Variants in IMMP2L observed in about 807,000 individuals in gnomAD.
The protein encoded by IMMP2L is mitochondrial inner membrane protease subunit 2.
In IMMP2L, 18 loss-of-function variants were observed where a neutral mutation model predicts 19.3. The ratio of observed to expected loss-of-function variants is 0.93; its 90% CI spans 0.64 to 1.38. IMMP2L has a LOEUF of 1.38. Among genes scored for constraint, IMMP2L ranks in the 40% most tolerant of loss-of-function variants. IMMP2L has a pLI of 0.00. For synonymous variants in IMMP2L, 76 were observed against 73.0 expected (o/e 1.04, Z -0.21); for missense variants, 233 against 218.2 (o/e 1.07, Z -0.43).
chr7:111,501,692 T>C (rs989928853), intron 2 of IMMP2L, among the ~76,000 whole-genome samples: 37 of 152,126 alleles, frequency 2.4e-4, no homozygotes, highest in African/African-American at 6.5e-4. Flanking sequence ...GAAAAGAATT[T>C]TCAACCCAGA....
chr7:111,254,425 A>G (rs1816481617), intron 3 of IMMP2L, among the ~76,000 whole-genome samples: 1 of 152,042 alleles, frequency 6.6e-6, no homozygotes, highest in East Asian at 1.9e-4. Flanking sequence ...TCAATCTCTC[A>G]TCTGTTAAAC....
At chr7:110,981,812 C>G (rs981979944) in intron 3 of IMMP2L, among the ~76,000 whole-genome samples, 1 of 152,170 alleles carries the variant, frequency 6.6e-6, no homozygotes, top group Non-Finnish European at 1.5e-5. Context: ...CTGCTGCCTT[C>G]CTTATTTTTG....
intron 4 of IMMP2L, among the ~76,000 whole-genome samples, chr7:110,926,313 A>T (rs959394141): frequency 6.6e-6 from 1 of 152,098 alleles, no homozygotes; most frequent in African/African-American, 2.4e-5. Flanking sequence ...AAGTGACCAT[A>T]TAACAAGTTG....
At chr7:111,476,801 T>C (rs1393026750) in intron 3 of IMMP2L, among the ~76,000 whole-genome samples, 1 of 152,168 alleles carries the variant, frequency 6.6e-6, no homozygotes, top group African/African-American at 2.4e-5. Flanking sequence ...ATCCTTCTTG[T>C]CCTTTGGATC....
At chr7:111,171,396 G>C (rs1806434440) in intron 3 of IMMP2L, among the ~76,000 whole-genome samples, 1 of 151,512 alleles carries the variant, frequency 6.6e-6, no homozygotes, top group South Asian at 2.1e-4. Context: ...TAATATTTGA[G>C]CCTCCTAGTT....
intron 3 of IMMP2L, among the ~76,000 whole-genome samples, chr7:111,295,178 C>T (rs1373769813): frequency 6.6e-6 from 1 of 151,896 alleles, no homozygotes; most frequent in Non-Finnish European, 1.5e-5. Context: ...TCACCATCTG[C>T]TCATATGTAT....
chr7:111,433,763 A>G (rs1049949903), intron 3 of IMMP2L, among the ~76,000 whole-genome samples: 17 of 151,810 alleles, frequency 1.1e-4, no homozygotes, highest in Non-Finnish European at 1.5e-4. Flanking sequence ...TTTAAGAAGA[A>G]CTACAAAATA....
chr7:111,054,240 G>C (rs1793283655), intron 3 of IMMP2L, among the ~76,000 whole-genome samples: 1 of 152,120 alleles, frequency 6.6e-6, no homozygotes, highest in Non-Finnish European at 1.5e-5. Flanking sequence ...CACTGAGACA[G>C]AAGATTTTTG....
intron 5 of IMMP2L, among the ~76,000 whole-genome samples, chr7:110,823,785 A>G (rs186088690): frequency 4.3e-4 from 66 of 152,288 alleles, no homozygotes; most frequent in African/African-American, 1.3e-3. Flanking sequence ...TGAAGATTTT[A>G]AAGTTGCTCA....
chr7:111,501,825 A>G (rs530148838), intron 2 of IMMP2L, among the ~76,000 whole-genome samples: 5 of 152,266 alleles, frequency 3.3e-5, no homozygotes, highest in East Asian at 3.9e-4. Flanking sequence ...TGAAGGAAGC[A>G]CTAAACATAG....
intron 2 of IMMP2L, among the ~76,000 whole-genome samples, chr7:111,518,025 C>T (rs1217923972): frequency 6.6e-6 from 1 of 152,012 alleles, no homozygotes; most frequent in Non-Finnish European, 1.5e-5. Context: ...TTTACCAATG[C>T]ATCATTAGAA....
chr7:111,170,641 G>C (rs1787638491), intron 3 of IMMP2L, among the ~76,000 whole-genome samples: 1 of 151,798 alleles, frequency 6.6e-6, no homozygotes, highest in African/African-American at 2.4e-5. Context: ...ACATCTCCTA[G>C]AATGTCAAAA....
At position 110,812,933 on chromosome 7, in the gene IMMP2L, C is replaced by T. The variant is rs148303458; in HGVS notation, c.408+73660G>A. ...GTCTGTTTTTATTAAAATATACATA[C>T]ATTCACACAACTGGCATTTTCAAGT... On this transcript the variant is annotated intron_variant, in intron 5 of 5. Transcript: ENST00000405709. Among the ~76,000 whole-genome samples, 111 of 152,024 alleles carry T rather than the reference C, an allele frequency of 7.3e-4. 2 individuals are homozygous for T. The highest frequency in any genetic ancestry group is 6.8e-3 in the Middle Eastern group (2 of 294).
chr7:111,550,620 A>G (rs1043537502), intron 1 of IMMP2L, among the ~76,000 whole-genome samples: 1 of 152,180 alleles, frequency 6.6e-6, no homozygotes, highest in African/African-American at 2.4e-5. Flanking sequence ...CCCTAAAAAA[A>G]AGTCTATTTT....
intron 3 of IMMP2L, among the ~76,000 whole-genome samples, chr7:111,018,319 C>A (rs1416407892): frequency 2.0e-5 from 3 of 152,032 alleles, no homozygotes; most frequent in Admixed American, 6.6e-5. Context: ...GGCTCTGTGG[C>A]GCAAGTGTTA....
At chr7:111,028,976 G>A (rs1375599573) in intron 3 of IMMP2L, among the ~76,000 whole-genome samples, 1 of 152,106 alleles carries the variant, frequency 6.6e-6, no homozygotes, top group Admixed American at 6.6e-5. Context: ...AATATATAGT[G>A]CATCAATTAA....
intron 3 of IMMP2L, among the ~76,000 whole-genome samples, chr7:111,483,017 T>C (rs1404135065): frequency 6.6e-6 from 1 of 152,044 alleles, no homozygotes; most frequent in Non-Finnish European, 1.5e-5. Flanking sequence ...AAAAAGGACA[T>C]TAGTGGGAAA....
chr7:111,154,698 C>T (rs1309016667), intron 3 of IMMP2L, among the ~76,000 whole-genome samples: 1 of 152,150 alleles, frequency 6.6e-6, no homozygotes, highest in African/African-American at 2.4e-5. Flanking sequence ...ACATTTAACA[C>T]AAGAGATGGC....
intron 5 of IMMP2L, among the ~76,000 whole-genome samples, chr7:110,815,957 C>G (rs948448786): frequency 3.9e-5 from 6 of 152,186 alleles, no homozygotes; most frequent in South Asian, 2.1e-4. Context: ...TTTTGTGTCT[C>G]TATTTCCTTC....
Sources: gnomAD v4.1 joint callset for allele counts (sites outside exome capture counted in the v4.1 genomes callset) on GRCh38, gnomAD v4.1.1 for gene constraint, MANE v1.5 for transcripts, NCBI Gene and HGNC (gene_info 2026-07-23, HGNC 2026-07-21) for gene names.